The following SDK2 variants were observed in gnomAD, a reference collection of about 807,000 sequenced individuals.
SDK2 encodes the protein sidekick cell adhesion molecule 2.
In SDK2, 105 loss-of-function variants were observed where a neutral mutation model predicts 253.9. That is an observed-to-expected ratio of 0.41 (90% CI 0.35 to 0.49). The LOEUF is 0.49. Ranked by LOEUF, SDK2 falls within the 20% of genes least tolerant of loss-of-function variation. The pLI, the probability that SDK2 is intolerant of heterozygous loss-of-function variation, is 0.06. For missense variants in SDK2, 2,608 were observed against 3,003.0 expected (o/e 0.87, Z 3.07); for synonymous variants, 1,249 against 1,234.9 (o/e 1.01, Z -0.24).
chr17:73,412,420 G>A (rs2063147196), intron 18 of SDK2, among the ~76,000 whole-genome samples: 1 of 151,794 alleles, frequency 6.6e-6, no homozygotes, highest in Non-Finnish European at 1.5e-5. Context: ...TTACAGGCAT[G>A]AGCCACCATG....
chr17:73,407,411 G>A (rs1002329544), intron 18 of SDK2, among the ~76,000 whole-genome samples: 1 of 152,064 alleles, frequency 6.6e-6, no homozygotes, highest in Non-Finnish European at 1.5e-5. Flanking sequence ...CATTTAAGAA[G>A]CATAATAATG....
chr17:73,487,771 G>A (rs986971573), intron 2 of SDK2, among the ~76,000 whole-genome samples: 10 of 152,314 alleles, frequency 6.6e-5, no homozygotes, highest in South Asian at 4.1e-4. Flanking sequence ...AGGTGATGAC[G>A]GAGGTCAGGG....
intron 1 of SDK2, among the ~76,000 whole-genome samples, chr17:73,592,183 G>A (rs937394391): frequency 1.3e-5 from 2 of 152,228 alleles, no homozygotes; most frequent in African/African-American, 4.8e-5. Flanking sequence ...TCCACAACTG[G>A]AAGAAAGCAT....
intron 2 of SDK2, among the ~76,000 whole-genome samples, chr17:73,474,683 GCC>G (rs2063673568): frequency 6.6e-6 from 1 of 152,168 alleles, no homozygotes; most frequent in African/African-American, 2.4e-5. Flanking sequence ...TCCACCCTCA[GCC>G]CTCTCTCCTG....
At chr17:73,527,439 G>T (rs115449252) in intron 1 of SDK2, among the ~76,000 whole-genome samples, 2,319 of 152,308 alleles carry the variant, frequency 0.015, 69 homozygotes, top group African/African-American at 0.053. Flanking sequence ...GCAGGGTAGG[G>T]AGTTTGGAGG....
At chr17:73,483,381 C>T (rs528433238) in intron 2 of SDK2, among the ~76,000 whole-genome samples, 33 of 139,378 alleles carry the variant, frequency 2.4e-4, no homozygotes, top group Admixed American at 5.3e-4. Context: ...GGCGCGATCT[C>T]GGCTCACTGC....
chr17:73,456,306 G>T (rs1412807229), intron 3 of SDK2, among the ~76,000 whole-genome samples: 2 of 152,196 alleles, frequency 1.3e-5, no homozygotes, highest in Non-Finnish European at 2.9e-5. Flanking sequence ...TGAGAGGTTG[G>T]TCATCATTTC....
chr17:73,511,128 C>T lies in SDK2; in HGVS notation c.65-3531G>A, dbSNP rs1343151619. ...TGGGCACATTCTTACTTCAAAGGCGCATTCATATTCTCCAGCAGCTTTCAA... is the reference window on the plus strand; with the variant it reads ...TGGGCACATTCTTACTTCAAAGGCGTATTCATATTCTCCAGCAGCTTTCAA... On this transcript the variant is annotated intron_variant, in intron 1 of 44. Transcript: ENST00000392650. This position sits in a 1 kb window ranked among gnomAD's most constrained non-coding sequence, Gnocchi z 4.9. Among the ~76,000 whole-genome samples the T allele has an allele frequency of 6.6e-6, 1 of 152,216 alleles. No homozygotes were observed. The highest frequency in any genetic ancestry group is 1.5e-5 in the Non-Finnish European group (1 of 68,044).
chr17:73,556,044 A>G (rs981274773), intron 1 of SDK2, among the ~76,000 whole-genome samples: 2 of 152,060 alleles, frequency 1.3e-5, no homozygotes, highest in African/African-American at 4.8e-5. Context: ...ACATGGGGGC[A>G]CTGTCCATGG....
intron 1 of SDK2, among the ~76,000 whole-genome samples, chr17:73,586,669 G>A (rs796136458): frequency 6.6e-6 from 1 of 152,148 alleles, no homozygotes; most frequent in South Asian, 2.1e-4. Context: ...ACCCCTGGTC[G>A]ACCAGCTGGG....
chr17:73,579,207 G>T (rs1223890068), intron 1 of SDK2, among the ~76,000 whole-genome samples: 1 of 152,066 alleles, frequency 6.6e-6, no homozygotes, highest in Non-Finnish European at 1.5e-5. Context: ...CTCATCCTCC[G>T]CAGTCTCCCC....
At chr17:73,456,542 G>C (rs999725783) in intron 3 of SDK2, among the ~76,000 whole-genome samples, 1 of 152,224 alleles carries the variant, frequency 6.6e-6, no homozygotes, top group African/African-American at 2.4e-5. Context: ...TTCAGGGAGA[G>C]AAGTGTGGGC....
Position 73,368,144 on chromosome 17 carries a change from G to A in SDK2, c.5167+263C>T, listed in dbSNP as rs540361656. On this transcript the variant is annotated intron_variant, in intron 37 of 44. Transcript: ENST00000392650. Reference sequence around the variant, plus strand: ...GAGGGGCTGGGGGTGCTGACTGTCCGTCTGCAAGGCGGGGCAAACGGTGGG... The same window carrying A: ...GAGGGGCTGGGGGTGCTGACTGTCCATCTGCAAGGCGGGGCAAACGGTGGG... Among the ~76,000 whole-genome samples the A allele has an allele frequency of 4.6e-5, 7 of 152,156 alleles. No individual in the cohort carries two copies. In the East Asian group the frequency reaches 9.7e-4, roughly 21 times the overall value.
intron 1 of SDK2, among the ~76,000 whole-genome samples, chr17:73,525,263 G>A (rs1372498980): frequency 3.9e-5 from 6 of 152,140 alleles, no homozygotes; most frequent in Non-Finnish European, 5.9e-5. Flanking sequence ...AGCAGCCCTC[G>A]AGGGGGTGAA....
chr17:73,566,317 ATATG>A (rs1431165160), intron 1 of SDK2, among the ~76,000 whole-genome samples: 200 of 143,992 alleles, frequency 1.4e-3, no homozygotes, highest in Non-Finnish European at 1.8e-3. Context: ...TCTTATATAT[ATATG>A]TGTGTGTGTG....
intron 2 of SDK2, among the ~76,000 whole-genome samples, chr17:73,493,272 T>G (rs1363199749): frequency 6.6e-6 from 1 of 152,196 alleles, no homozygotes; most frequent in Non-Finnish European, 1.5e-5. Flanking sequence ...TAAATTTCCT[T>G]GTGGTGGAAA....
rs1309782215 is a variant in SDK2 at position 73,334,802 on chromosome 17, C to G, written c.*3785G>C. The stretch of plus-strand genomic sequence containing the variant: ...CCCTGGATAGGGCCATACAGAGGCA[C>G]TGGGGAGCGGGTGGCGGCTGCTCAG... On this transcript the variant is annotated 3_prime_UTR_variant, in exon 45 of 45. Coordinates refer to ENST00000392650, the MANE Select transcript of SDK2 (RefSeq NM_001144952.2). 6.6e-6 allele frequency: 1 copy of G among 152,388 alleles called. No homozygotes were observed. The highest frequency in any genetic ancestry group is 2.4e-5 in the African/African-American group (1 of 41,450). 9.4% of individuals were successfully genotyped at this position (152,388 alleles called of 1,614,324 possible). A position where few individuals can be genotyped will look rare whatever the true frequency, so the allele number is the denominator to read the frequency against.
intron 1 of SDK2, among the ~76,000 whole-genome samples, chr17:73,567,162 G>A (rs1479998679): frequency 4.6e-5 from 7 of 152,222 alleles, no homozygotes; most frequent in Non-Finnish European, 7.3e-5. Flanking sequence ...TGCCCTCTGC[G>A]GCCCCAGGAG....
At chr17:73,584,255 G>C (rs1241444491) in intron 1 of SDK2, among the ~76,000 whole-genome samples, 1 of 152,218 alleles carries the variant, frequency 6.6e-6, no homozygotes, top group African/African-American at 2.4e-5. Flanking sequence ...TGAAGTGGCT[G>C]GCAGGCCCTA....
Sources: gnomAD v4.1 joint callset for allele counts (sites outside exome capture counted in the v4.1 genomes callset) on GRCh38, gnomAD v4.1.1 for gene constraint, Gnocchi (gnomAD v3.1) non-coding constraint, MANE v1.5 for transcripts, NCBI Gene and HGNC (gene_info 2026-07-23, HGNC 2026-07-21) for gene names.